ATP8A2: variants seen among roughly 807,000 people sequenced by gnomAD.
ATP8A2 encodes phospholipid-transporting ATPase IB.
A neutral mutation model predicts 165.6 loss-of-function variants in ATP8A2; 100 were observed. The ratio of observed to expected loss-of-function variants is 0.60; its 90% CI spans 0.51 to 0.71. The LOEUF (loss-of-function observed/expected upper bound fraction) is 0.71, where lower values mean the gene tolerates loss of function less well. ATP8A2 is among the 30% of genes least tolerant of loss of function. The probability of loss-of-function intolerance (pLI) is 0.00; values close to 1 mark genes in which losing one functional copy is unlikely to be tolerated. For synonymous variants in ATP8A2, 543 were observed against 548.8 expected, an observed-to-expected ratio of 0.99 and a Z score of 0.15; for missense variants, 1,227 against 1,479.5, an observed-to-expected ratio of 0.83 and a Z score of 2.80.
chr13:25,834,501 A>G (rs1951555590), intron 28 of ATP8A2, among the ~76,000 whole-genome samples: 1 of 152,196 alleles, frequency 6.6e-6, no homozygotes, highest in Admixed American at 6.5e-5. Context: ...AAGAAAATGA[A>G]TGTCTGTCAG....
chr13:25,939,136 C>G (rs1303281284), intron 33 of ATP8A2, among the ~76,000 whole-genome samples: 1 of 152,164 alleles, frequency 6.6e-6, no homozygotes, highest in East Asian at 1.9e-4. Flanking sequence ...AGCCACCACG[C>G]CAGGCCTTCT....
intron 25 of ATP8A2, among the ~76,000 whole-genome samples, chr13:25,723,768 T>C (rs1425626100): frequency 3.3e-5 from 5 of 151,932 alleles, no homozygotes; most frequent in Non-Finnish European, 7.4e-5. Context: ...TCCCTCCACG[T>C]AACCCCCGAG....
intron 24 of ATP8A2, among the ~76,000 whole-genome samples, chr13:25,610,203 C>T (rs566253873): frequency 3.9e-5 from 6 of 151,944 alleles, no homozygotes; most frequent in Non-Finnish European, 8.8e-5. Context: ...GCAATGTCTA[C>T]AGGGGTTTTT....
intron 25 of ATP8A2, among the ~76,000 whole-genome samples, chr13:25,747,955 T>C (rs1359358965): frequency 2.3e-5 from 3 of 131,228 alleles, no homozygotes; most frequent in Non-Finnish European, 4.9e-5. Flanking sequence ...AAGACATTTA[T>C]TGGGTTTTAA....
chr13:25,494,312 T>A (rs1021797940), intron 2 of ATP8A2, among the ~76,000 whole-genome samples: 2 of 152,160 alleles, frequency 1.3e-5, no homozygotes, highest in African/African-American at 4.8e-5. Flanking sequence ...CTGCATTTAA[T>A]TGTGTGTATA....
chr13:25,748,041 A>G (rs547816266), intron 25 of ATP8A2, among the ~76,000 whole-genome samples: 1 of 152,332 alleles, frequency 6.6e-6, no homozygotes, highest in East Asian at 1.9e-4. Context: ...TGATTTAGGA[A>G]TCACCATATG....
chr13:25,741,496 C>T (rs1045650720), intron 25 of ATP8A2, among the ~76,000 whole-genome samples: 1 of 152,182 alleles, frequency 6.6e-6, no homozygotes, highest in African/African-American at 2.4e-5. Flanking sequence ...ACCCTCCCAC[C>T]TCAGCCTCCT....
At chr13:25,483,419 G>A (rs35696107) in intron 2 of ATP8A2, among the ~76,000 whole-genome samples, 44,197 of 152,072 alleles carry the variant, frequency 0.29, 7,744 homozygotes, top group Middle Eastern at 0.43. Context: ...ACATGTAGGG[G>A]GTGATCTCTG....
chr13:25,903,339 T>C (rs1953823501), intron 33 of ATP8A2, among the ~76,000 whole-genome samples: 1 of 152,106 alleles, frequency 6.6e-6, no homozygotes, highest in Non-Finnish European at 1.5e-5. Flanking sequence ...CCACAGACCC[T>C]GCTAGGTCTG....
At chr13:25,411,860 C>A (rs755403098) in intron 1 of ATP8A2, among the ~76,000 whole-genome samples, 2 of 152,138 alleles carry the variant, frequency 1.3e-5, no homozygotes, top group Non-Finnish European at 2.9e-5. Context: ...TTCTGGGTGA[C>A]TTTTACCTTT....
chr13:25,661,688 C>A (rs2042054359), intron 24 of ATP8A2, among the ~76,000 whole-genome samples: 2 of 152,168 alleles, frequency 1.3e-5, no homozygotes, highest in African/African-American at 4.8e-5. Context: ...GATCTATTAT[C>A]TGAATCATGG....
chr13:25,828,093 C>T (rs764366059), intron 27 of ATP8A2, 25 bp from the exon 28 acceptor site: 3 of 1,599,388 alleles, frequency 1.9e-6, no homozygotes, highest in Non-Finnish European at 2.6e-6. Flanking sequence ...TGATATAAAA[C>T]TTCATGAGCT....
intron 24 of ATP8A2, among the ~76,000 whole-genome samples, chr13:25,642,957 G>A (rs972654676): frequency 3.9e-4 from 59 of 151,984 alleles, no homozygotes; most frequent in African/African-American, 1.3e-3. Flanking sequence ...GCAAACTATA[G>A]CAAGGACAAA....
At chr13:25,554,710 C>T (rs932086654) in intron 12 of ATP8A2, among the ~76,000 whole-genome samples, 3 of 151,980 alleles carry the variant, frequency 2.0e-5, no homozygotes, top group Non-Finnish European at 4.4e-5. Context: ...CAGACATGCA[C>T]CACCATGCCT....
intron 27 of ATP8A2, among the ~76,000 whole-genome samples, chr13:25,811,088 C>T (rs1950857426): frequency 6.6e-6 from 1 of 151,638 alleles, no homozygotes; most frequent in South Asian, 2.1e-4. Flanking sequence ...ATGTCCATGA[C>T]TATACTAAAA....
chr13:25,705,278 G>A, intron 25 of ATP8A2: 4 of 312,438 alleles, frequency 1.3e-5, no homozygotes, highest in South Asian at 1.1e-4. Context: ...GTCAGGAAAA[G>A]AGTCATGAAA....
At chr13:25,912,632 G>A (rs1217730601) in intron 33 of ATP8A2, among the ~76,000 whole-genome samples, 1 of 152,072 alleles carries the variant, frequency 6.6e-6, no homozygotes, top group Non-Finnish European at 1.5e-5. Context: ...GTGAATCATG[G>A]CATCACTTTG....
intron 24 of ATP8A2, among the ~76,000 whole-genome samples, chr13:25,595,175 A>G (rs909415438): frequency 6.6e-6 from 1 of 152,174 alleles, no homozygotes; most frequent in African/African-American, 2.4e-5. Context: ...GTAGTTTCTA[A>G]CGTGTTTCAA....
intron 33 of ATP8A2, among the ~76,000 whole-genome samples, chr13:25,949,638 G>T (rs1193390863): frequency 6.6e-6 from 1 of 152,166 alleles, no homozygotes; most frequent in East Asian, 1.9e-4. Flanking sequence ...TGCCAGAGAA[G>T]AGCCCCAGCA....
Sources: allele counts gnomAD v4.1 joint callset (sites outside exome capture counted in the v4.1 genomes callset), GRCh38; gene constraint gnomAD v4.1.1; transcripts MANE v1.5; gene names NCBI Gene and HGNC (gene_info 2026-07-23, HGNC 2026-07-21).